The following TNR variants were observed in gnomAD, a reference collection of about 807,000 sequenced individuals.
TNR encodes the protein tenascin-R.
Under a neutral mutation model 150.4 loss-of-function variants are expected in TNR, and 45 were observed. That is an observed-to-expected ratio of 0.30 (90% confidence interval 0.24 to 0.38). TNR has a LOEUF of 0.38. Among genes scored for constraint, TNR ranks in the 10% least tolerant of loss-of-function variants. The pLI is 1.00. For missense variants in TNR, 1,544 were observed against 1,759.1 expected (o/e 0.88, Z 2.19); for synonymous variants, 687 against 678.4 (o/e 1.01, Z -0.20).
intron 20 of TNR, among the ~76,000 whole-genome samples, chr1:175,331,109 CTTTCT>C (rs1323126055): frequency 1.5e-5 from 2 of 134,244 alleles, no homozygotes; most frequent in African/African-American, 2.9e-5. Flanking sequence ...TTCTCTCTCT[CTTTCT>C]TTTCTTTCTT....
intron 2 of TNR, among the ~76,000 whole-genome samples, chr1:175,428,708 A>T (rs1655123909): frequency 6.6e-6 from 1 of 152,144 alleles, no homozygotes; most frequent in African/African-American, 2.4e-5. Flanking sequence ...TTGAATTCTG[A>T]CTCAAATACA....
chr1:175,628,910 C>G (rs16848871), intron 1 of TNR, among the ~76,000 whole-genome samples: 1 of 151,996 alleles, frequency 6.6e-6, no homozygotes, highest in East Asian at 1.9e-4. Flanking sequence ...ACACTTATCT[C>G]TGGGACTCTG....
intron 9 of TNR, among the ~76,000 whole-genome samples, chr1:175,371,486 A>G (rs1047015031): frequency 6.6e-6 from 1 of 152,228 alleles, no homozygotes; most frequent in African/African-American, 2.4e-5. Context: ...GGTGAAAAGG[A>G]ATCTGTGCTA....
chr1:175,504,287 T>C (rs188695769), intron 2 of TNR, among the ~76,000 whole-genome samples: 1 of 152,310 alleles, frequency 6.6e-6, no homozygotes, highest in African/African-American at 2.4e-5. Flanking sequence ...GCATGCATTA[T>C]CTCTGTATCC....
intron 1 of TNR, among the ~76,000 whole-genome samples, chr1:175,712,239 T>A (rs544275308): frequency 6.2e-4 from 95 of 152,258 alleles, no homozygotes; most frequent in Middle Eastern, 6.8e-3. Flanking sequence ...AACTTGCGTA[T>A]CTTGCCCAAG....
At position 175,411,000 on chromosome 1, in the gene TNR, G is replaced by T. The variant is rs1654187443; in HGVS notation, c.-63-4223C>A. The stretch of plus-strand genomic sequence containing the variant: ...AGGCCAAAGTTCATTTCACACAGAA[G>T]AACTTACATTTGCTAAAACTATGAT... On this transcript the variant is annotated intron_variant, in intron 2 of 22. Coordinates refer to ENST00000367674, the MANE Select transcript of TNR (RefSeq NM_003285.3). Among the ~76,000 whole-genome samples, 3 of 152,282 alleles carry T rather than the reference G, an allele frequency of 2.0e-5. No individual in the cohort carries two copies. The Middle Eastern group carries it at 0.01, about 518-fold the overall frequency.
chr1:175,551,427 A>C (rs1234021366), intron 1 of TNR, among the ~76,000 whole-genome samples: 1 of 152,210 alleles, frequency 6.6e-6, no homozygotes, highest in East Asian at 1.9e-4. Flanking sequence ...GGAATAATCC[A>C]AAAAGGGGGA....
rs906907031 is a variant in TNR at position 175,320,138 on chromosome 1, G to T, written c.*3219C>A. On this transcript the variant is annotated 3_prime_UTR_variant, in exon 23 of 23. Transcript: ENST00000367674. ...ACAGCCTCTGAGAAGGGTCTACCTC[G>T]ATTCCTTTTGAGTCCCTTGAGGGAA... 1.3e-5 allele frequency: 2 copies of T among 152,288 alleles called. No homozygotes were observed. Among genetic ancestry groups the T allele is most frequent in the African/African-American group, 4.8e-5 (2 of 41,430 alleles). 9.4% of individuals were successfully genotyped at this position (152,288 alleles called of 1,614,324 possible). A position where few individuals can be genotyped will look rare whatever the true frequency, so the allele number is the denominator to read the frequency against.
In TNR at chr1:175,406,668, C is replaced by A. The variant is rs1031445505; in HGVS notation, c.47G>T (p.Gly16Val). ...GGAGCCCAGAAGGATCAGGTTGATG[C>A]CAATGAGCATGTTCTTCAGAACCAC... is the stretch of plus-strand genomic sequence containing the variant. The part of the protein sequence containing the change: ...ETVVLKNMLI[G>V]INLILLGSMI... Residue 16 changes from glycine (G) to valine (V), a missense_variant, in exon 3 of 23, where the codon GGC (glycine) becomes GTC (valine). Physicochemically the swap from Gly to Val is moderately radical, Grantham distance 109 (BLOSUM62 -3). This residue lies in a region of TNR where 1,254 missense variants were observed against 1,329.4 expected (regional missense o/e 0.94). Transcript: ENST00000367674. The A allele has an allele frequency of 8.7e-6, 14 of 1,614,104 alleles. No homozygotes were observed. Among genetic ancestry groups the A allele is most frequent in the Non-Finnish European group, 1.0e-5 (12 of 1,180,046 alleles).
chr1:175,680,981 T>C (rs538277490), intron 1 of TNR, among the ~76,000 whole-genome samples: 133 of 152,112 alleles, frequency 8.7e-4, no homozygotes, highest in African/African-American at 3.1e-3. Context: ...CCTGTGCAAA[T>C]GGGGATGATA....
intron 1 of TNR, among the ~76,000 whole-genome samples, chr1:175,615,790 G>T (rs1368198818): frequency 6.6e-6 from 1 of 152,170 alleles, no homozygotes; most frequent in Non-Finnish European, 1.5e-5. Flanking sequence ...TTTACAGTCT[G>T]CATCACAAAC....
chr1:175,330,114 G>T lies in TNR; in HGVS notation c.3753C>A (p.Asn1251Lys), dbSNP rs773678086. 2 of 1,611,272 alleles carry T rather than the reference G, an allele frequency of 1.2e-6. No homozygotes were observed. The highest frequency in any genetic ancestry group is 2.2e-5 in the East Asian group (1 of 44,774). The change falls in exon 21 of 23, where the codon AAC becomes AAA. Residue 1251 changes from asparagine to lysine, a missense_variant. Around this residue, in one of 2 missense-constraint regions of TNR, gnomAD observed 290 missense variants for 429.7 expected, o/e 0.67. Coordinates refer to ENST00000367674, the MANE Select transcript of TNR (RefSeq NM_003285.3). ...YDRFSVEDSR[N>K]LYKLRIGSYN... ...AGCTTCCTATGCGGAGTTTGTACAG[G>T]TTTCTGCTGTCCTCGACAGAGAACC...
intron 1 of TNR, among the ~76,000 whole-genome samples, chr1:175,635,917 T>A (rs1664477541): frequency 6.6e-6 from 1 of 152,198 alleles, no homozygotes; most frequent in Non-Finnish European, 1.5e-5. Context: ...TATGTTTCCC[T>A]ACACAGATAT....
At chr1:175,714,508 T>C (rs1287103585) in intron 1 of TNR, among the ~76,000 whole-genome samples, 1 of 152,110 alleles carries the variant, frequency 6.6e-6, no homozygotes, top group Non-Finnish European at 1.5e-5. Flanking sequence ...GGCCAATCAA[T>C]TCTCAAATTC....
Position 175,362,522 on chromosome 1 carries a change from A to C in TNR, c.2854+141T>G. On this transcript the variant is annotated intron_variant, in intron 14 of 22. Coordinates refer to ENST00000367674, the MANE Select transcript of TNR (RefSeq NM_003285.3). ...GGAATATTGGGGGAGAGAAATTGCA[A>C]ATTGCCCTGCAAGACACAGTGAGTT... The C allele has an allele frequency of 4.0e-6, 4 of 989,528 alleles. No homozygotes were observed. In the South Asian group the frequency reaches 7.4e-5, roughly 18 times the overall value. 61.3% of individuals were successfully genotyped at this position (989,528 alleles called of 1,614,324 possible). A position where few individuals can be genotyped will look rare whatever the true frequency, so the allele number is the denominator to read the frequency against.
rs180830583 is a variant in TNR at position 175,568,177 on chromosome 1, A to G, written c.-164-39808T>C. Among the ~76,000 whole-genome samples the G allele has an allele frequency of 5.7e-3, 870 of 152,344 alleles. 9 individuals are homozygous for G. Among genetic ancestry groups the G allele is most frequent in the African/African-American group, 0.017 (725 of 41,582 alleles). ...TCCAGCTGTGGACAGGCAGGTGCCC[A>G]TTCAAGGACTGCTTTTCAGGTTTCT... On this transcript the variant is annotated intron_variant, in intron 1 of 22. Transcript: ENST00000367674.
At position 175,375,586 on chromosome 1, in the gene TNR, G is replaced by A. The variant is rs1255029828; in HGVS notation, c.1963+3966C>T. Among the ~76,000 whole-genome samples the A allele has an allele frequency of 3.9e-5, 6 of 152,102 alleles. No homozygotes were observed. In the South Asian group the frequency reaches 1.0e-3, roughly 26 times the overall value. The stretch of plus-strand genomic sequence containing the variant: ...GGTACTTGCTGCCAGCCAGCTCTGG[G>A]AATGTCTCAGAGACCAGGAGAGTCA... On this transcript the variant is annotated intron_variant, in intron 9 of 22. Coordinates refer to ENST00000367674, the MANE Select transcript of TNR (RefSeq NM_003285.3).
chr1:175,663,888 A>T (rs1013707572), intron 1 of TNR, among the ~76,000 whole-genome samples: 2 of 152,254 alleles, frequency 1.3e-5, no homozygotes. Context: ...TCACTCTTCC[A>T]TGTGAACTCA....
chr1:175,329,042 A>G (rs1234360696), intron 21 of TNR, among the ~76,000 whole-genome samples: 1 of 152,194 alleles, frequency 6.6e-6, no homozygotes, highest in Non-Finnish European at 1.5e-5. Flanking sequence ...GGCTGATCTC[A>G]TTGCTGTTGG....
Sources: gnomAD v4.1 joint callset for allele counts (sites outside exome capture counted in the v4.1 genomes callset) on GRCh38, gnomAD v4.1.1 for gene constraint, gnomAD v4.1.1 regional missense constraint, MANE v1.5 for transcripts, NCBI Gene and HGNC (gene_info 2026-07-23, HGNC 2026-07-21) for gene names.